KIF1B: variants seen among roughly 807,000 people sequenced by gnomAD.
KIF1B encodes kinesin family member 1B.
Under a neutral mutation model 241.9 loss-of-function variants are expected in KIF1B, and 76 were observed. That is an observed-to-expected ratio of 0.31 (90% CI 0.26 to 0.38). The LOEUF (loss-of-function observed/expected upper bound fraction) is 0.38. Among genes scored for constraint, KIF1B ranks in the 10% least tolerant of loss-of-function variants. KIF1B has a pLI of 1.00. For synonymous variants in KIF1B, 750 were observed against 796.7 expected (o/e 0.94, Z 0.99); for missense variants, 1,622 against 2,271.4 (o/e 0.71, Z 5.81).
intron 1 of KIF1B, among the ~76,000 whole-genome samples, chr1:10,212,918 A>ATATACACACACACATT (rs1557638420): frequency 8.0e-6 from 1 of 124,260 alleles, no homozygotes; most frequent in Non-Finnish European, 1.6e-5. Flanking sequence ...ATATATATAT[A>ATATACACACACACATT]TATATATATA....
chr1:10,350,230 A>C (rs1425061026), intron 37 of KIF1B, among the ~76,000 whole-genome samples: 1 of 151,740 alleles, frequency 6.6e-6, no homozygotes, highest in East Asian at 1.9e-4. Context: ...CAGAGGTTGC[A>C]GTGAGCCAAG....
intron 2 of KIF1B, among the ~76,000 whole-genome samples, chr1:10,251,715 CAA>C: frequency 6.7e-6 from 1 of 149,794 alleles, no homozygotes; most frequent in Admixed American, 6.6e-5. Context: ...GCCTGGGCAA[CAA>C]GAGCAAAACT....
chr1:10,337,269 A>C lies in KIF1B; in HGVS notation c.3259+66A>C. The C allele has an allele frequency of 6.2e-7, 1 of 1,613,104 alleles. No homozygotes were observed. The highest frequency in any genetic ancestry group is 8.5e-7 in the Non-Finnish European group (1 of 1,179,092). On this transcript the variant is annotated intron_variant, in intron 30 of 48. Coordinates refer to ENST00000676179, the MANE Select transcript of KIF1B (RefSeq NM_001365951.3). The surrounding 1 kb of genome is among the most constrained non-coding windows in gnomAD (Gnocchi z 4.0). ...CAAAGGGAAAATATTGACCATTATC[A>C]AGGGACATAGTGGCCTTCATCAACT...
At chr1:10,291,952 G>A in intron 16 of KIF1B, 95 bp from the exon 17 acceptor site, 1 of 1,021,840 alleles carries the variant, frequency 9.8e-7, no homozygotes, top group Non-Finnish European at 1.5e-6. Flanking sequence ...ATGGCCAGTT[G>A]TTTTTGCTTT....
rs1236012915 is a variant in KIF1B at position 10,380,300 on chromosome 1, C to T, written c.*3713C>T. The T allele has an allele frequency of 4.7e-6, 1 of 210,884 alleles. No individual in the cohort carries two copies. Among genetic ancestry groups the T allele is most frequent in the African/African-American group, 2.3e-5 (1 of 44,034 alleles). The allele number at this position is 210,884 out of a possible 1,614,324, so 13.1% of individuals were successfully genotyped here. A position where few individuals can be genotyped will look rare whatever the true frequency, so the allele number is the denominator to read the frequency against. ...CTCATCGGTACTCTTTCTGCATTTCCCTCGTGCTGTGTCCCGCTCGGGTTC... is the reference window on the plus strand; with the variant it reads ...CTCATCGGTACTCTTTCTGCATTTCTCTCGTGCTGTGTCCCGCTCGGGTTC... On this transcript the variant is annotated 3_prime_UTR_variant, in exon 49 of 49. Transcript: ENST00000676179.
At chr1:10,367,881 A>G (rs1638620426) in intron 43 of KIF1B, among the ~76,000 whole-genome samples, 1 of 152,032 alleles carries the variant, frequency 6.6e-6, no homozygotes, top group Admixed American at 6.6e-5. Context: ...GGTGCCCACC[A>G]TGACGCCCAG....
At chr1:10,346,105 A>C (rs1652578280) in intron 35 of KIF1B, 152 bp downstream of exon 35, 1 of 691,454 alleles carries the variant, frequency 1.4e-6, no homozygotes, top group African/African-American at 1.8e-5. Context: ...ATAGAGATGC[A>C]GTCTTGTTAT....
rs771291092 is a variant in KIF1B at position 10,295,744 on chromosome 1, T to C, written c.1755T>C (p.Ser585=). 6.2e-7 allele frequency: 1 copy of C among 1,613,668 alleles called. No homozygotes were observed. The highest frequency in any genetic ancestry group is 8.5e-7 in the Non-Finnish European group (1 of 1,179,854). ...AAGAAGAGCATTGTATCTTCCGGAG[T>C]GAGAGAAGCAACAGCGGGGAAGGTG... ...HIKEEHCIFR[S]ERSNSGEVIV... is the part of the protein sequence containing the mutation. The change falls in exon 19 of 49, where the codon AGT becomes AGC. Residue 585 remains serine (S), a synonymous_variant. Coordinates refer to ENST00000676179, the MANE Select transcript of KIF1B (RefSeq NM_001365951.3).
At chr1:10,359,195 A>G (rs74487811) in intron 38 of KIF1B, among the ~76,000 whole-genome samples, 2,652 of 152,288 alleles carry the variant, frequency 0.017, 91 homozygotes, top group African/African-American at 0.06. Flanking sequence ...GAGGGAGGAT[A>G]TGCCAGCTAC....
chr1:10,326,453 C>T lies in KIF1B; in HGVS notation c.2924+94C>T. On this transcript the variant is annotated intron_variant, in intron 27 of 48. Transcript: ENST00000676179. This position sits in a 1 kb window ranked among gnomAD's most constrained non-coding sequence, Gnocchi z 5.2. Reference sequence around the variant, plus strand: ...CAATTTTGGATAACCTTGCATTAGCCAATTCAACTCATGAATGCTCTTTTT... The same window carrying T: ...CAATTTTGGATAACCTTGCATTAGCTAATTCAACTCATGAATGCTCTTTTT... The T allele has an allele frequency of 6.9e-7, 1 of 1,455,968 alleles. No homozygotes were observed. Among genetic ancestry groups the T allele is most frequent in the Non-Finnish European group, 9.6e-7 (1 of 1,044,242 alleles). 90.2% of individuals were successfully genotyped at this position (1,455,968 alleles called of 1,614,324 possible).
chr1:10,295,712 C>A lies in KIF1B; in HGVS notation c.1723C>A (p.His575Asn). 6.2e-7 allele frequency: 1 copy of A among 1,613,844 alleles called. No individual in the cohort carries two copies. The highest frequency in any genetic ancestry group is 8.5e-7 in the Non-Finnish European group (1 of 1,179,956). The stretch of plus-strand genomic sequence containing the variant: ...CCAGGACATAGTGCTGAGCGGGGCT[C>A]ACATTAAAGAAGAGCATTGTATCTT... ...RRQDIVLSGA[H>N]IKEEHCIFRS... The change falls in exon 19 of 49, where the codon CAC becomes AAC. Residue 575 changes from histidine to asparagine, a missense_variant. By Grantham distance (68) the His-to-Asn change is moderately conservative. This residue lies in a region of KIF1B where 57 missense variants were observed against 149.0 expected (regional missense o/e 0.38). Transcript: ENST00000676179.
intron 1 of KIF1B, among the ~76,000 whole-genome samples, chr1:10,229,506 A>G (rs1044853157): frequency 1.3e-5 from 2 of 152,158 alleles, no homozygotes; most frequent in Non-Finnish European, 2.9e-5. Flanking sequence ...AGAGATGGAC[A>G]ATAGACATGC....
At chr1:10,370,983 T>G (rs1321295139) in intron 44 of KIF1B, among the ~76,000 whole-genome samples, 158 bp from the exon 45 acceptor site, 1 of 152,194 alleles carries the variant, frequency 6.6e-6, no homozygotes, top group East Asian at 1.9e-4. Context: ...ACCTATGTAT[T>G]TATTTATTGA....
intron 43 of KIF1B, 32 bp from the exon 44 acceptor site, chr1:10,368,435 G>GT: frequency 6.3e-7 from 1 of 1,589,274 alleles, no homozygotes; most frequent in Non-Finnish European, 8.6e-7. Flanking sequence ...GACATTTTAT[G>GT]TTCAGCTTGC....
rs542251411 is a variant in KIF1B, at chr1:10,238,312, C to T, written c.106+5878C>T. ...AGGAGAATAACTTGAATCTGGGAGACGGAGGTTGCAGTGAACTGAGATGGA... is the reference window on the plus strand; with the variant it reads ...AGGAGAATAACTTGAATCTGGGAGATGGAGGTTGCAGTGAACTGAGATGGA... On this transcript the variant is annotated intron_variant, in intron 2 of 48. Transcript: ENST00000676179. Among the ~76,000 whole-genome samples, 94 of 141,434 alleles carry T rather than the reference C, an allele frequency of 6.6e-4. 1 individual carries two copies. The highest frequency in any genetic ancestry group is 9.8e-4 in the African/African-American group (36 of 36,712). The allele number at this position is 141,434 out of a possible 152,430, so 92.8% of individuals were successfully genotyped here.
In KIF1B at chr1:10,296,977, C is replaced by T. The variant is rs2102259084; in HGVS notation, c.1942C>T (p.Pro648Ser). 1 of 1,614,024 alleles carries T rather than the reference C, an allele frequency of 6.2e-7. No homozygotes were observed. The highest frequency in any genetic ancestry group is 8.5e-7 in the Non-Finnish European group (1 of 1,179,968). ...AGCACGAGCTGAGCGAGAGAAGACT[C>T]CTTCTGCTGAGACCCCCTCTGAGCC... ...EQARAEREKT[P>S]SAETPSEPVD... The change falls in exon 21 of 49, where the codon CCT (proline) becomes TCT (serine). Residue 648 changes from proline (P) to serine (S), a missense_variant. Pro to Ser is a moderately conservative substitution (Grantham distance 74, BLOSUM62 -1). Around this residue, in one of 7 missense-constraint regions of KIF1B, gnomAD observed 803 missense variants for 1,112.0 expected, o/e 0.72. Coordinates refer to ENST00000676179, the MANE Select transcript of KIF1B (RefSeq NM_001365951.3).
intron 2 of KIF1B, among the ~76,000 whole-genome samples, chr1:10,245,903 T>TCCTC (rs1557661701): frequency 6.6e-6 from 1 of 152,164 alleles, no homozygotes; most frequent in Non-Finnish European, 1.5e-5. Flanking sequence ...TTGCCTTCCT[T>TCCTC]CCTCCCAGGT....
At chr1:10,366,853 C>A (rs1569912299) in intron 43 of KIF1B, among the ~76,000 whole-genome samples, 2 of 152,028 alleles carry the variant, frequency 1.3e-5, no homozygotes, top group South Asian at 4.2e-4. Flanking sequence ...CGCCTGTAGT[C>A]CCAGCTACTA....
chr1:10,365,355 C>G lies in KIF1B; in HGVS notation c.4513-54C>G. Reference sequence around the variant, plus strand: ...GATCATAGCTTTTCACTTTTCTCTCCTGAGGTCTTAACGAGCTTTGTGTTT... The same window carrying G: ...GATCATAGCTTTTCACTTTTCTCTCGTGAGGTCTTAACGAGCTTTGTGTTT... On this transcript the variant is annotated intron_variant, in intron 42 of 48. Transcript: ENST00000676179. The surrounding 1 kb of genome is among the most constrained non-coding windows in gnomAD (Gnocchi z 4.0). 8 of 1,614,086 alleles carry G rather than the reference C, an allele frequency of 5.0e-6. No individual in the cohort carries two copies. In the South Asian group the frequency reaches 7.7e-5, roughly 16 times the overall value.
Sources: gnomAD v4.1 joint callset for allele counts (sites outside exome capture counted in the v4.1 genomes callset) on GRCh38, gnomAD v4.1.1 for gene constraint, gnomAD v4.1.1 regional missense constraint, Gnocchi (gnomAD v3.1) non-coding constraint, MANE v1.5 for transcripts, NCBI Gene and HGNC (gene_info 2026-07-23, HGNC 2026-07-21) for gene names.